Variants in THSD7A observed in about 807,000 individuals in gnomAD.
THSD7A encodes thrombospondin type 1 domain containing 7A.
A neutral mutation model predicts 231.3 loss-of-function variants in THSD7A; 96 were observed. That is an observed-to-expected ratio of 0.41 (90% CI 0.35 to 0.49). The LOEUF (loss-of-function observed/expected upper bound fraction) is 0.49, where lower values mean the gene tolerates loss of function less well. THSD7A is among the 20% of genes least tolerant of loss of function. The pLI, the probability that THSD7A is intolerant of heterozygous loss-of-function variation, is 0.05. For missense variants in THSD7A, 2,290 were observed against 2,070.2 expected (o/e 1.11, Z -2.06); for synonymous variants, 940 against 743.3 (o/e 1.26, Z -4.30).
intron 1 of THSD7A, among the ~76,000 whole-genome samples, chr7:11,710,853 C>G (rs185642711): frequency 6.6e-6 from 1 of 150,876 alleles, no homozygotes; most frequent in East Asian, 2.0e-4. Flanking sequence ...TGAGTAAGTT[C>G]CAGGATCTAA....
At chr7:11,776,532 T>A (rs1783411451) in intron 1 of THSD7A, among the ~76,000 whole-genome samples, 1 of 152,232 alleles carries the variant, frequency 6.6e-6, no homozygotes, top group South Asian at 2.1e-4. Context: ...TTCTATTTTA[T>A]GACTTTATTC....
intron 6 of THSD7A, among the ~76,000 whole-genome samples, chr7:11,537,366 G>C (rs569416515): frequency 3.3e-5 from 5 of 152,192 alleles, no homozygotes; most frequent in Non-Finnish European, 7.3e-5. Context: ...GTTGGAGGTG[G>C]CGTCTGGTGG....
Position 11,657,790 on chromosome 7 carries a change from G to A in THSD7A, c.191-20829C>T, listed in dbSNP as rs146630425. ...TATAGTTATGAAAGCACTTTTTAAA[G>A]CATATTTAAGATATAATTGGTATTG... On this transcript the variant is annotated intron_variant, in intron 1 of 27. Transcript: ENST00000423059. Among the ~76,000 whole-genome samples, 221 of 151,866 alleles carry A rather than the reference G, an allele frequency of 1.5e-3. 2 individuals are homozygous for A. Among genetic ancestry groups the A allele is most frequent in the African/African-American group, 5.0e-3 (207 of 41,492 alleles).
intron 1 of THSD7A, among the ~76,000 whole-genome samples, chr7:11,673,621 C>G (rs1351166304): frequency 2.6e-5 from 4 of 152,124 alleles, no homozygotes; most frequent in Non-Finnish European, 4.4e-5. Flanking sequence ...AAGAAGATGC[C>G]CACAGCACAG....
At chr7:11,739,933 T>G (rs1458331437) in intron 1 of THSD7A, among the ~76,000 whole-genome samples, 1 of 151,968 alleles carries the variant, frequency 6.6e-6, no homozygotes, top group African/African-American at 2.4e-5. Flanking sequence ...TGTGTTAACG[T>G]GCTAGCTTGG....
intron 2 of THSD7A, among the ~76,000 whole-genome samples, chr7:11,611,932 A>G (rs1261634431): frequency 1.3e-5 from 2 of 151,988 alleles, no homozygotes; most frequent in Admixed American, 6.6e-5. Context: ...ACTGAGACCC[A>G]GAAATATCAA....
intron 23 of THSD7A, among the ~76,000 whole-genome samples, chr7:11,396,373 A>C (rs1583665353): frequency 6.6e-6 from 1 of 152,182 alleles, no homozygotes; most frequent in African/African-American, 2.4e-5. Context: ...TCAACAATTT[A>C]GATATATGGC....
intron 8 of THSD7A, among the ~76,000 whole-genome samples, chr7:11,472,776 C>G (rs1206816613): frequency 6.6e-6 from 1 of 152,184 alleles, no homozygotes; most frequent in Non-Finnish European, 1.5e-5. Context: ...GTCAAAACAG[C>G]AACATTTGAA....
intron 1 of THSD7A, among the ~76,000 whole-genome samples, chr7:11,715,327 G>T (rs1283022252): frequency 6.6e-6 from 1 of 151,304 alleles, no homozygotes; most frequent in African/African-American, 2.4e-5. Context: ...TATTCTACAA[G>T]GATACTCCAA....
intron 2 of THSD7A, among the ~76,000 whole-genome samples, chr7:11,618,704 C>T (rs967838939): frequency 1.4e-4 from 21 of 151,496 alleles, no homozygotes; most frequent in Admixed American, 9.9e-4. Flanking sequence ...AGCAGAATGG[C>T]GTGAACCCGG....
intron 11 of THSD7A, among the ~76,000 whole-genome samples, chr7:11,456,758 G>A (rs1225833606): frequency 1.3e-5 from 2 of 151,966 alleles, no homozygotes; most frequent in African/African-American, 4.8e-5. Flanking sequence ...AAATGGCTGT[G>A]GCTGTGTTCT....
chr7:11,404,701 C>T, intron 22 of THSD7A, among the ~76,000 whole-genome samples: 1 of 152,158 alleles, frequency 6.6e-6, no homozygotes, highest in Non-Finnish European at 1.5e-5. Flanking sequence ...TTGGCAGCAA[C>T]ACTTTGCCTG....
chr7:11,779,990 G>C (rs146898086), intron 1 of THSD7A, among the ~76,000 whole-genome samples: 4 of 152,130 alleles, frequency 2.6e-5, no homozygotes, highest in Admixed American at 2.6e-4. Flanking sequence ...AATTGCCATC[G>C]ATTGAGTGAC....
chr7:11,451,923 A>G (rs933300774), intron 11 of THSD7A, among the ~76,000 whole-genome samples: 3 of 152,008 alleles, frequency 2.0e-5, no homozygotes, highest in Non-Finnish European at 2.9e-5. Flanking sequence ...AAGGCCATGC[A>G]CTCATTTTGT....
At chr7:11,379,008 T>C in intron 26 of THSD7A, 62 bp downstream of exon 26, 1 of 1,518,602 alleles carries the variant, frequency 6.6e-7, no homozygotes, top group Non-Finnish European at 9.0e-7. Context: ...ACTTTTTTAA[T>C]CCTTTGGCAT....
chr7:11,536,083 T>C (rs974937443), intron 6 of THSD7A, among the ~76,000 whole-genome samples: 7 of 152,214 alleles, frequency 4.6e-5, no homozygotes, highest in African/African-American at 1.7e-4. Flanking sequence ...ACAATCTTAA[T>C]GTCTGCTACT....
chr7:11,534,195 AT>A lies in THSD7A; in HGVS notation c.1822+7223del, dbSNP rs530762056. On this transcript the variant is annotated intron_variant, in intron 6 of 27. Transcript: ENST00000423059. ...TTTGCATGTGAGAGGATTGAAAATA[AT>A]TGTAACCAGAGAGTAGACCATAGTA... Among the ~76,000 whole-genome samples the A allele has an allele frequency of 2.4e-3, 368 of 152,280 alleles. 2 individuals are homozygous for A. The highest frequency in any genetic ancestry group is 0.014 in the Middle Eastern group (4 of 294).
At chr7:11,395,472 C>A (rs1320063679) in intron 23 of THSD7A, among the ~76,000 whole-genome samples, 3 of 151,494 alleles carry the variant, frequency 2.0e-5, no homozygotes, top group Non-Finnish European at 4.4e-5. Flanking sequence ...CCAAGGAGAC[C>A]TAATAGACTT....
intron 1 of THSD7A, among the ~76,000 whole-genome samples, chr7:11,780,414 C>G (rs1230679505): frequency 6.6e-6 from 1 of 152,184 alleles, no homozygotes; most frequent in Non-Finnish European, 1.5e-5. Context: ...TTGCCTTTCT[C>G]TCTCTTTGAT....
Sources: gnomAD v4.1 joint callset for allele counts (sites outside exome capture counted in the v4.1 genomes callset) on GRCh38, gnomAD v4.1.1 for gene constraint, MANE v1.5 for transcripts, NCBI Gene and HGNC (gene_info 2026-07-23, HGNC 2026-07-21) for gene names.